TRIP12: variants seen among roughly 807,000 people sequenced by gnomAD.
TRIP12 encodes the protein E3 ubiquitin-protein ligase TRIP12.
A neutral mutation model predicts 244.2 loss-of-function variants in TRIP12; 25 were observed. That is an observed-to-expected ratio of 0.10 (90% CI 0.07 to 0.14). TRIP12 has a LOEUF of 0.14. Among genes scored for constraint, TRIP12 ranks in the 10% least tolerant of loss-of-function variants. The pLI, the probability that TRIP12 is intolerant of heterozygous loss-of-function variation, is 1.00. For missense variants in TRIP12, 1,677 were observed against 2,486.4 expected (o/e 0.67, Z 6.92); for synonymous variants, 905 against 873.1 (o/e 1.04, Z -0.64).
At chr2:229,789,545 C>CTAGTGCAA (rs1219564342) in intron 31 of TRIP12, 66 bp downstream of exon 31, 1 of 1,552,634 alleles carries the variant, frequency 6.4e-7, no homozygotes, top group Non-Finnish European at 8.7e-7. Flanking sequence ...GTTTCCATTT[C>CTAGTGCAA]TAGTGCAATA....
chr2:229,874,694 TAC>T (rs560527109), intron 2 of TRIP12, among the ~76,000 whole-genome samples: 4 of 152,270 alleles, frequency 2.6e-5, no homozygotes, highest in African/African-American at 9.6e-5. Flanking sequence ...AAAAAGAAGC[TAC>T]ACGTATAGAA....
In TRIP12 at chr2:229,840,945, A is replaced by G. The variant is rs2056276844; in HGVS notation, c.1028-18T>C. On this transcript the variant is annotated intron_variant, in intron 4 of 41. Transcript: ENST00000675903. ...TCTTAAACCTATCCACAGAAAATGG[A>G]AAAGTGTAATTTTATAATGAGAAAT... 1 of 1,536,610 alleles carries G rather than the reference A, an allele frequency of 6.5e-7. No homozygotes were observed. The highest frequency in any genetic ancestry group is 1.2e-5 in the South Asian group (1 of 81,674).
At chr2:229,913,670 G>A (rs1361351969) in intron 1 of TRIP12, among the ~76,000 whole-genome samples, 2 of 152,104 alleles carry the variant, frequency 1.3e-5, no homozygotes, top group East Asian at 1.9e-4. Flanking sequence ...TATGGCAAAC[G>A]ATGCTAATAT....
At chr2:229,777,575 G>C (rs2036672568) in intron 36 of TRIP12, 96 bp from the exon 37 acceptor site, 8 of 1,225,956 alleles carry the variant, frequency 6.5e-6, no homozygotes, top group Non-Finnish European at 9.2e-6. Flanking sequence ...AATATTAATA[G>C]GTCAAGTAAT....
chr2:229,913,993 C>T (rs946306698), intron 1 of TRIP12, among the ~76,000 whole-genome samples: 6 of 152,172 alleles, frequency 3.9e-5, no homozygotes, highest in Non-Finnish European at 7.4e-5. Flanking sequence ...ACAGGCCAGG[C>T]GCGGTGGCTC....
intron 13 of TRIP12, among the ~76,000 whole-genome samples, chr2:229,812,465 A>C (rs2047503159): frequency 6.6e-6 from 1 of 152,242 alleles, no homozygotes. Context: ...TTTAGAAGCA[A>C]AAGGCTCTAG....
chr2:229,819,147 T>C (rs1381343830), intron 8 of TRIP12, among the ~76,000 whole-genome samples: 1 of 151,848 alleles, frequency 6.6e-6, no homozygotes, highest in Admixed American at 6.6e-5. Context: ...AGAATGTTCC[T>C]ACTTTTAAGA....
In TRIP12 at chr2:229,767,396, A is replaced by T; in HGVS notation, c.*158T>A. 1 of 788,732 alleles carries T rather than the reference A, an allele frequency of 1.3e-6. No homozygotes were observed. The highest frequency in any genetic ancestry group is 1.8e-6 in the Non-Finnish European group (1 of 543,178). The allele number at this position is 788,732 out of a possible 1,614,324, so 48.9% of individuals were successfully genotyped here. A position where few individuals can be genotyped will look rare whatever the true frequency, so the allele number is the denominator to read the frequency against. ...ATCACTTTAAGTCCATGGGGCCATTAATGAATATCAACCAAATGTCTCTTT... is the reference window on the plus strand; with the variant it reads ...ATCACTTTAAGTCCATGGGGCCATTTATGAATATCAACCAAATGTCTCTTT... On this transcript the variant is annotated 3_prime_UTR_variant, in exon 42 of 42. Transcript: ENST00000675903.
At chr2:229,857,838 A>G (rs2154335009) in intron 4 of TRIP12, among the ~76,000 whole-genome samples, 1 of 152,314 alleles carries the variant, frequency 6.6e-6, no homozygotes, top group South Asian at 2.1e-4. Context: ...GTATTCTCAA[A>G]ACACAAATTC....
In TRIP12 at chr2:229,919,986, T is replaced by C. The variant is rs1251120326; in HGVS notation, c.-50+1894A>G. On this transcript the variant is annotated intron_variant, in intron 1 of 41. Coordinates refer to ENST00000675903, the MANE Select transcript of TRIP12 (RefSeq NM_001348323.3). Reference sequence around the variant, plus strand: ...CACTTAATATTGATCACTTTGCATGTGGTAAATATGAAAATCAGCCTCAAT... The same window carrying C: ...CACTTAATATTGATCACTTTGCATGCGGTAAATATGAAAATCAGCCTCAAT... Among the ~76,000 whole-genome samples, 3 of 152,230 alleles carry C rather than the reference T, an allele frequency of 2.0e-5. No homozygotes were observed. The East Asian group carries it at 5.8e-4, about 29-fold the overall frequency.
chr2:229,910,940 C>T (rs533930846), intron 1 of TRIP12, among the ~76,000 whole-genome samples: 2 of 152,190 alleles, frequency 1.3e-5, no homozygotes, highest in Non-Finnish European at 2.9e-5. Flanking sequence ...CATCAGCCTA[C>T]TTGTTGCCAT....
intron 1 of TRIP12, among the ~76,000 whole-genome samples, chr2:229,901,745 G>A (rs1410892633): frequency 3.3e-5 from 5 of 152,026 alleles, no homozygotes; most frequent in African/African-American, 4.8e-5. Flanking sequence ...TACCAGGGTC[G>A]GCAGACAAAT....
chr2:229,906,609 A>G (rs2072899455), intron 1 of TRIP12, among the ~76,000 whole-genome samples: 2 of 151,546 alleles, frequency 1.3e-5, no homozygotes, highest in Non-Finnish European at 2.9e-5. Flanking sequence ...AGTCCCAGCT[A>G]CTTGGGAGGC....
intron 8 of TRIP12, among the ~76,000 whole-genome samples, chr2:229,822,757 G>A (rs2050409297): frequency 6.6e-6 from 1 of 152,048 alleles, no homozygotes; most frequent in Non-Finnish European, 1.5e-5. Context: ...AATAAAAGCA[G>A]ACCAATACTT....
chr2:229,875,500 C>T (rs2063423409), intron 2 of TRIP12, among the ~76,000 whole-genome samples: 3 of 152,174 alleles, frequency 2.0e-5, no homozygotes, highest in Admixed American at 1.3e-4. Flanking sequence ...CCTCATCATA[C>T]GGATCCAGTG....
At position 229,832,410 on chromosome 2, in the gene TRIP12, C is replaced by T. The variant is rs75840642; in HGVS notation, c.1271-1571G>A. ...TACAAAAGTGTTGGTAACTCCCCCA[C>T]CACTCTGAAAAGTTTAGAGCCATAG... On this transcript the variant is annotated intron_variant, in intron 6 of 41. Transcript: ENST00000675903. 8.8e-3 allele frequency among the ~76,000 whole-genome samples: 1,346 copies of T among 152,284 alleles called. 15 individuals carry two copies. Among genetic ancestry groups the T allele is most frequent in the African/African-American group, 0.03 (1,267 of 41,564 alleles).
chr2:229,799,541 C>T (rs1388056999), intron 21 of TRIP12, among the ~76,000 whole-genome samples, 158 bp from the exon 22 acceptor site: 1 of 152,164 alleles, frequency 6.6e-6, no homozygotes, highest in Non-Finnish European at 1.5e-5. Flanking sequence ...CTTTGGGAGG[C>T]CGAGGCGGGC....
chr2:229,897,023 C>T (rs186291799), intron 1 of TRIP12, among the ~76,000 whole-genome samples: 67 of 152,138 alleles, frequency 4.4e-4, no homozygotes, highest in Non-Finnish European at 8.2e-4. Context: ...TGTACCACTT[C>T]GGTGGGGGAT....
chr2:229,772,690 C>T (rs994750361), intron 38 of TRIP12, among the ~76,000 whole-genome samples: 1 of 152,058 alleles, frequency 6.6e-6, no homozygotes, highest in Non-Finnish European at 1.5e-5. Context: ...TCTTGAACTC[C>T]TGACCTCGTG....
Sources: gnomAD v4.1 joint callset for allele counts (sites outside exome capture counted in the v4.1 genomes callset) on GRCh38, gnomAD v4.1.1 for gene constraint, MANE v1.5 for transcripts, NCBI Gene and HGNC (gene_info 2026-07-23, HGNC 2026-07-21) for gene names.